SOS2: variants seen among roughly 807,000 people sequenced by gnomAD.
SOS2 encodes SOS Ras/Rho guanine nucleotide exchange factor 2.
A neutral mutation model predicts 148.2 loss-of-function variants in SOS2; 65 were observed. The observed-to-expected ratio is 0.44, with a 90% CI of 0.36 to 0.54. SOS2 has a LOEUF of 0.54. Among genes scored for constraint, SOS2 ranks in the 20% least tolerant of loss-of-function variants. The probability of loss-of-function intolerance (pLI) is 0.00; values close to 1 mark genes in which losing one functional copy is unlikely to be tolerated. For synonymous variants in SOS2, 539 were observed against 537.1 expected (o/e 1.00, Z -0.05); for missense variants, 1,341 against 1,590.2 (o/e 0.84, Z 2.67).
intron 1 of SOS2, among the ~76,000 whole-genome samples, chr14:50,208,846 A>G (rs930892319): frequency 2.0e-5 from 3 of 152,178 alleles, no homozygotes; most frequent in African/African-American, 7.2e-5. Flanking sequence ...AGAAGAAACA[A>G]ATTTGCAGAT....
In SOS2 at chr14:50,225,112, T is replaced by C. The variant is rs542718088; in HGVS notation, c.87+6085A>G. On this transcript the variant is annotated intron_variant, in intron 1 of 22. Transcript: ENST00000216373. ...AACTTTGTACTAGCATATATTCTTA[T>C]GTAAAAGAAGAAAATAATTTTTTAT... 3.3e-5 allele frequency among the ~76,000 whole-genome samples: 5 copies of C among 152,172 alleles called. No homozygotes were observed. The South Asian group carries it at 8.3e-4, about 25-fold the overall frequency.
intron 16 of SOS2, 68 bp from the exon 17 acceptor site, chr14:50,140,127 T>C: frequency 3.7e-6 from 3 of 801,280 alleles, no homozygotes; most frequent in Non-Finnish European, 6.0e-6. Flanking sequence ...TGCAAACCTT[T>C]AAATTTTATA....
intron 4 of SOS2, among the ~76,000 whole-genome samples, chr14:50,194,132 A>C (rs1346291053): frequency 1.3e-5 from 2 of 152,248 alleles, no homozygotes; most frequent in Non-Finnish European, 2.9e-5. Context: ...AGGACCAGCA[A>C]ACTACAGGCC....
intron 9 of SOS2, among the ~76,000 whole-genome samples, chr14:50,161,235 G>A (rs1197906096): frequency 1.3e-5 from 2 of 151,206 alleles, no homozygotes; most frequent in Non-Finnish European, 2.9e-5. Flanking sequence ...TAAGGCTGCA[G>A]GTTGCAGTGA....
At chr14:50,163,815 T>C (rs1885086856) in intron 8 of SOS2, among the ~76,000 whole-genome samples, 1 of 152,220 alleles carries the variant, frequency 6.6e-6, no homozygotes, top group Non-Finnish European at 1.5e-5. Context: ...TATCCAAATA[T>C]CTAAATTATC....
intron 4 of SOS2, among the ~76,000 whole-genome samples, chr14:50,188,929 T>C (rs1272060650): frequency 1.3e-5 from 2 of 151,774 alleles, no homozygotes; most frequent in Non-Finnish European, 2.9e-5. Flanking sequence ...CCAGGCGTCA[T>C]GGTAGGCGCT....
intron 1 of SOS2, among the ~76,000 whole-genome samples, chr14:50,220,602 T>C (rs1238751547): frequency 1.3e-5 from 2 of 152,064 alleles, no homozygotes; most frequent in African/African-American, 4.8e-5. Flanking sequence ...TACAACATTA[T>C]AAATGAAGGA....
At chr14:50,138,300 G>C (rs1229004652) in intron 18 of SOS2, among the ~76,000 whole-genome samples, 1 of 151,994 alleles carries the variant, frequency 6.6e-6, no homozygotes, top group African/African-American at 2.4e-5. Flanking sequence ...GGGACTGCAG[G>C]CACCCAGCAC....
Position 50,231,572 on chromosome 14 carries a change from C to T in SOS2, c.-289G>A, listed in dbSNP as rs370145416. 315 of 152,632 alleles carry T rather than the reference C, an allele frequency of 2.1e-3. 5 individuals are homozygous for T. In the South Asian group the frequency reaches 0.031, roughly 15 times the overall value. The allele number at this position is 152,632 out of a possible 1,614,324, so 9.5% of individuals were successfully genotyped here. ...ACCTCCTTTCCCGGCGGCGCTGGCC[C>T]GCTTCTGGGGCGGCTCCTCCTCCTT... On this transcript the variant is annotated 5_prime_UTR_variant, in exon 1 of 23. Transcript: ENST00000216373.
chr14:50,137,169 TC>T (rs1884108577), intron 18 of SOS2, among the ~76,000 whole-genome samples: 2 of 152,286 alleles, frequency 1.3e-5, no homozygotes, highest in East Asian at 3.9e-4. Flanking sequence ...AAACATAATA[TC>T]ATAGTTTAAT....
chr14:50,119,576 G>T (rs546191725), intron 22 of SOS2, among the ~76,000 whole-genome samples: 9 of 151,770 alleles, frequency 5.9e-5, no homozygotes, highest in Admixed American at 2.0e-4. Context: ...CTGTCGCCCA[G>T]GCTGGAGTGC....
At chr14:50,219,440 T>C (rs1399859449) in intron 1 of SOS2, among the ~76,000 whole-genome samples, 2 of 152,144 alleles carry the variant, frequency 1.3e-5, no homozygotes, top group African/African-American at 4.8e-5. Context: ...TACTGTATGA[T>C]TCTATCAGTA....
intron 22 of SOS2, among the ~76,000 whole-genome samples, chr14:50,119,346 A>T (rs1158706787): frequency 1.3e-5 from 2 of 152,188 alleles, no homozygotes; most frequent in Non-Finnish European, 2.9e-5. Flanking sequence ...AGACTACTGA[A>T]TCAGAAACTC....
chr14:50,117,561 C>G lies in SOS2; in HGVS notation c.*783G>C, dbSNP rs1047620605. 6.6e-6 allele frequency: 1 copy of G among 152,124 alleles called. No homozygotes were observed. Among genetic ancestry groups the G allele is most frequent in the East Asian group, 1.9e-4 (1 of 5,198 alleles). 9.4% of individuals were successfully genotyped at this position (152,124 alleles called of 1,614,324 possible). A position where few individuals can be genotyped will look rare whatever the true frequency, so the allele number is the denominator to read the frequency against. Reference sequence around the variant, plus strand: ...CACTTAAATTTATATAGGTTATTAGCAGTATCTTTAAATATACAATATAAA... The same window carrying G: ...CACTTAAATTTATATAGGTTATTAGGAGTATCTTTAAATATACAATATAAA... On this transcript the variant is annotated 3_prime_UTR_variant, in exon 23 of 23. Coordinates refer to ENST00000216373, the MANE Select transcript of SOS2 (RefSeq NM_006939.4).
chr14:50,190,587 T>C (rs1315850795), intron 4 of SOS2, among the ~76,000 whole-genome samples: 1 of 152,216 alleles, frequency 6.6e-6, no homozygotes, highest in Non-Finnish European at 1.5e-5. Flanking sequence ...TTGATCTGCC[T>C]GCCACAGGTC....
At chr14:50,182,731 A>T (rs1483550988) in intron 5 of SOS2, 125 bp from the exon 6 acceptor site, 5 of 692,146 alleles carry the variant, frequency 7.2e-6, no homozygotes, top group Admixed American at 5.8e-5. Flanking sequence ...GCTCCACAAG[A>T]AACAGTACTT....
intron 1 of SOS2, among the ~76,000 whole-genome samples, chr14:50,225,293 T>C (rs1024360445): frequency 6.6e-6 from 1 of 152,148 alleles, no homozygotes; most frequent in African/African-American, 2.4e-5. Context: ...ATTTTTAACA[T>C]GAGATAATGC....
At chr14:50,127,752 A>G (rs551280063) in intron 21 of SOS2, among the ~76,000 whole-genome samples, 2 of 152,290 alleles carry the variant, frequency 1.3e-5, no homozygotes, top group Admixed American at 6.5e-5. Context: ...TGAGAGAAAG[A>G]TATTTGTCTA....
At chr14:50,197,668 G>C (rs915371560) in intron 4 of SOS2, among the ~76,000 whole-genome samples, 1 of 146,938 alleles carries the variant, frequency 6.8e-6, no homozygotes, top group Non-Finnish European at 1.5e-5. Flanking sequence ...GGCCTCTCTT[G>C]AATAAAGTCA....
Sources: gnomAD v4.1 joint callset for allele counts (sites outside exome capture counted in the v4.1 genomes callset) on GRCh38, gnomAD v4.1.1 for gene constraint, MANE v1.5 for transcripts, NCBI Gene and HGNC (gene_info 2026-07-23, HGNC 2026-07-21) for gene names.